The following DNAH12 variants were observed in gnomAD, a reference collection of about 807,000 sequenced individuals.
The protein encoded by DNAH12 is axonemal beta dynein heavy chain 12.
Under a neutral mutation model 371.5 loss-of-function variants are expected in DNAH12, and 285 were observed. The ratio of observed to expected loss-of-function variants is 0.77; its 90% CI spans 0.70 to 0.85. DNAH12 has a LOEUF of 0.85. Among genes scored for constraint, DNAH12 ranks in the 40% least tolerant of loss-of-function variants. The pLI is 0.00. For missense variants in DNAH12, 3,611 were observed against 3,689.4 expected (o/e 0.98, Z 0.55); for synonymous variants, 1,200 against 1,213.0 (o/e 0.99, Z 0.22).
chr3:57,509,087 T>C, intron 6 of DNAH12, 53 bp downstream of exon 6: 2 of 1,468,220 alleles, frequency 1.4e-6, no homozygotes, highest in Non-Finnish European at 1.9e-6. Context: ...CAGTTTATTT[T>C]TTATCTATAT....
At position 57,302,532 on chromosome 3, in the gene DNAH12, TATATATATATATATATATATA is replaced by T. The variant is rs2061371177; in HGVS notation, c.11190-614_11190-594del. On this transcript the variant is annotated intron_variant, in intron 69 of 73. Transcript: ENST00000495027. The stretch of plus-strand genomic sequence containing the variant: ...TGAATTAACTAAGGCATCAGGTGTA[TATATATATATATATATATATA>T]TATATATATATGTATTTTTTTTTTT... Among the ~76,000 whole-genome samples the T allele has an allele frequency of 4.9e-3, 184 of 37,846 alleles. 2 individuals are homozygous for T. Among genetic ancestry groups the T allele is most frequent in the Admixed American group, 8.2e-3 (22 of 2,696 alleles). 24.8% of individuals were successfully genotyped at this position (37,846 alleles called of 152,430 possible).
chr3:57,316,465 G>GCTTTTTTTCAA (rs1487132164), intron 65 of DNAH12, among the ~76,000 whole-genome samples: 4 of 152,062 alleles, frequency 2.6e-5, no homozygotes, highest in Non-Finnish European at 5.9e-5. Context: ...CTTCCATGAA[G>GCTTTTTTTCAA]CTTTTTTTCA....
intron 20 of DNAH12, 125 bp downstream of exon 20, chr3:57,459,467 T>C: frequency 1.1e-6 from 1 of 931,728 alleles, no homozygotes. Context: ...TATATTTTTC[T>C]GAACTTTCCA....
intron 20 of DNAH12, 69 bp from the exon 21 acceptor site, chr3:57,458,289 T>C (rs2065958103): frequency 7.0e-7 from 1 of 1,421,678 alleles, no homozygotes; most frequent in Admixed American, 3.2e-5. Flanking sequence ...AATATCAATC[T>C]ATACTATATG....
intron 11 of DNAH12, chr3:57,497,876 T>C (rs901313625): frequency 2.0e-5 from 3 of 152,278 alleles, no homozygotes; most frequent in Middle Eastern, 3.4e-3. Flanking sequence ...TGCAAAACTA[T>C]TTCAGATACA....
At chr3:57,514,429 A>T (rs1032722008) in intron 4 of DNAH12, among the ~76,000 whole-genome samples, 1 of 152,050 alleles carries the variant, frequency 6.6e-6, no homozygotes, top group Non-Finnish European at 1.5e-5. Context: ...AAACAAAAAA[A>T]AGCAAAATGC....
chr3:57,385,043 C>T (rs2063474175), intron 48 of DNAH12, 38 bp from the exon 49 acceptor site: 3 of 152,092 alleles, frequency 2.0e-5, no homozygotes, highest in Non-Finnish European at 4.4e-5. Context: ...TCTCAAACAC[C>T]CTATTGCTTT....
At chr3:57,337,277 G>A (rs1197708588) in intron 60 of DNAH12, among the ~76,000 whole-genome samples, 1 of 150,810 alleles carries the variant, frequency 6.6e-6, no homozygotes. Context: ...GAGGCCATAG[G>A]CAGGAGGACT....
chr3:57,384,194 A>C (rs1276860263), intron 49 of DNAH12, among the ~76,000 whole-genome samples: 3 of 152,158 alleles, frequency 2.0e-5, no homozygotes, highest in Non-Finnish European at 4.4e-5. Flanking sequence ...ATGGCCTTTA[A>C]GTTTTTCTGT....
At chr3:57,490,688 T>C (rs1032646565) in intron 11 of DNAH12, among the ~76,000 whole-genome samples, 2 of 152,044 alleles carry the variant, frequency 1.3e-5, no homozygotes, top group African/African-American at 4.8e-5. Context: ...TTCTAGAGTA[T>C]CTAGGATGTG....
upstream of DNAH12, among the ~76,000 whole-genome samples, chr3:57,546,139 C>T (rs2069557233): frequency 4.6e-5 from 7 of 152,256 alleles, no homozygotes; most frequent in Middle Eastern, 3.4e-3. Flanking sequence ...CCAGGCCAAG[C>T]CCCAGGGTAG....
intron 60 of DNAH12, among the ~76,000 whole-genome samples, chr3:57,337,588 G>A (rs1553654192): frequency 6.6e-6 from 1 of 152,194 alleles, no homozygotes; most frequent in Non-Finnish European, 1.5e-5. Context: ...GAACCTGGGA[G>A]GTGGAGGTTG....
chr3:57,526,430 G>T (rs2068647908), intron 2 of DNAH12, among the ~76,000 whole-genome samples: 1 of 150,626 alleles, frequency 6.6e-6, no homozygotes, highest in South Asian at 2.1e-4. Context: ...TTTTTTTTAG[G>T]TAAGTTTATT....
chr3:57,448,406 T>C (rs921703400), intron 25 of DNAH12, among the ~76,000 whole-genome samples: 29 of 152,118 alleles, frequency 1.9e-4, no homozygotes, highest in Admixed American at 7.9e-4. Context: ...GCTGCAGACC[T>C]TCGCCCTGAG....
At chr3:57,325,270 C>T (rs1158297783) in intron 62 of DNAH12, among the ~76,000 whole-genome samples, 1 of 152,252 alleles carries the variant, frequency 6.6e-6, no homozygotes, top group Non-Finnish European at 1.5e-5. Flanking sequence ...ACTGCCTCCT[C>T]AAGTGGGTCC....
intron 62 of DNAH12, among the ~76,000 whole-genome samples, chr3:57,333,621 T>C (rs748850714): frequency 1.6e-4 from 24 of 152,140 alleles, no homozygotes; most frequent in Non-Finnish European, 1.0e-4. Context: ...TGAGCTACTG[T>C]GCCCAGTCAA....
chr3:57,421,699 A>C lies in DNAH12; in HGVS notation c.5381T>G (p.Phe1794Cys). Residue 1794 changes from phenylalanine to cysteine, a missense_variant, in exon 36 of 74, where the codon TTT becomes TGT. By Grantham distance (205) the Phe-to-Cys change is radical (BLOSUM62 -2). Around this residue, in one of 3 missense-constraint regions of DNAH12, gnomAD observed 2,266 missense variants for 2,236.9 expected, o/e 1.01. Coordinates refer to ENST00000495027, the MANE Select transcript of DNAH12 (RefSeq NM_001366028.2). ...AATCGACCAAATCAAAGAGAATATA[A>C]AGCAAGCCTGTTGGTGGAGAAAAAA... ...KHIRVWIMACFIFSLIWSIGG... is the reference protein window; with the variant it reads ...KHIRVWIMACCIFSLIWSIGG... The C allele has an allele frequency of 1.3e-6, 2 of 1,551,568 alleles. No homozygotes were observed. Among genetic ancestry groups the C allele is most frequent in the Non-Finnish European group, 1.7e-6 (2 of 1,146,960 alleles).
At position 57,379,265 on chromosome 3, in the gene DNAH12, A is replaced by G. The variant is rs2063339205; in HGVS notation, c.8116T>C (p.Leu2706=). 1 of 152,192 alleles carries G rather than the reference A, an allele frequency of 6.6e-6. No individual in the cohort carries two copies. The allele number at this position is 152,192 out of a possible 1,614,324, so 9.4% of individuals were successfully genotyped here. The stretch of plus-strand genomic sequence containing the variant: ...GGGGGATCAAATTCAGGGTTCATTA[A>G]GTATTCACTACGAATCTTCTGCATA... ...TVMQKIRSEY[L]MNPEFDPPKV... is the part of the protein sequence containing the mutation. Residue 2706 remains leucine (L), a synonymous_variant, in exon 52 of 74, where the codon TTA becomes CTA. Coordinates refer to ENST00000495027, the MANE Select transcript of DNAH12 (RefSeq NM_001366028.2).
intron 43 of DNAH12, among the ~76,000 whole-genome samples, chr3:57,394,914 A>G (rs1340544113): frequency 6.6e-6 from 1 of 152,190 alleles, no homozygotes. Flanking sequence ...TGGGCTCAGT[A>G]GTGTGCTGAA....
Sources: gnomAD v4.1 joint callset for allele counts (sites outside exome capture counted in the v4.1 genomes callset) on GRCh38, gnomAD v4.1.1 for gene constraint, gnomAD v4.1.1 regional missense constraint, MANE v1.5 for transcripts, NCBI Gene and HGNC (gene_info 2026-07-23, HGNC 2026-07-21) for gene names.